BCL2: variants seen among roughly 807,000 people sequenced by gnomAD.
The protein encoded by BCL2 is apoptosis regulator Bcl-2.
BCL2 carries 1 observed loss-of-function variant against 14.2 expected under a neutral mutation model. The ratio of observed to expected loss-of-function variants is 0.07; its 90% CI spans 0.02 to 0.33. The LOEUF is 0.33. BCL2 is among the 10% of genes least tolerant of loss of function. The pLI, the probability that BCL2 is intolerant of heterozygous loss-of-function variation, is 0.99. For missense variants in BCL2, 247 were observed against 305.9 expected (o/e 0.81, Z 1.44); for synonymous variants, 151 against 137.2 (o/e 1.10, Z -0.70).
At chr18:63,228,963 G>A (rs923352015) in intron 2 of BCL2, among the ~76,000 whole-genome samples, 1 of 152,204 alleles carries the variant, frequency 6.6e-6, no homozygotes, top group African/African-American at 2.4e-5. Flanking sequence ...GCCCGCCTCT[G>A]CCTCCCAAAG....
chr18:63,219,423 C>T (rs1048923868), intron 2 of BCL2, among the ~76,000 whole-genome samples: 3 of 150,732 alleles, frequency 2.0e-5, no homozygotes, highest in Admixed American at 1.3e-4. Context: ...TCTTTGCATT[C>T]CAACACCATG....
At chr18:63,311,316 T>C (rs1324952489) in intron 2 of BCL2, among the ~76,000 whole-genome samples, 1 of 152,088 alleles carries the variant, frequency 6.6e-6, no homozygotes, top group Non-Finnish European at 1.5e-5. Context: ...CTGGAAAAAG[T>C]CAAGAAGAGA....
At chr18:63,251,600 C>G (rs1300953511) in intron 2 of BCL2, among the ~76,000 whole-genome samples, 4 of 150,180 alleles carry the variant, frequency 2.7e-5, no homozygotes, top group African/African-American at 7.3e-5. Context: ...AGCCGAGATC[C>G]CGCCACTGCA....
At chr18:63,151,407 G>A (rs1481238017) in intron 2 of BCL2, 4 of 150,832 alleles carry the variant, frequency 2.7e-5, no homozygotes, top group Non-Finnish European at 5.9e-5. Flanking sequence ...ATACAAGCAA[G>A]AATGTCCTGG....
chr18:63,172,212 G>T (rs1453909737), intron 2 of BCL2, among the ~76,000 whole-genome samples: 1 of 152,182 alleles, frequency 6.6e-6, no homozygotes, highest in Non-Finnish European at 1.5e-5. Flanking sequence ...AATTTCTAAA[G>T]ATGGACAGAG....
chr18:63,289,248 T>C (rs1912567445), intron 2 of BCL2, among the ~76,000 whole-genome samples: 1 of 151,878 alleles, frequency 6.6e-6, no homozygotes, highest in African/African-American at 2.4e-5. Context: ...TCAAAGAGCA[T>C]GTGACAAGGC....
chr18:63,170,265 G>A (rs763922484), intron 2 of BCL2, among the ~76,000 whole-genome samples: 22 of 152,024 alleles, frequency 1.4e-4, no homozygotes, highest in Non-Finnish European at 2.9e-4. Flanking sequence ...TCATACTAAT[G>A]AATGAATAAC....
At chr18:63,240,174 A>G (rs1481639683) in intron 2 of BCL2, among the ~76,000 whole-genome samples, 1 of 152,158 alleles carries the variant, frequency 6.6e-6, no homozygotes, top group African/African-American at 2.4e-5. Flanking sequence ...TTCTTGGTAG[A>G]GACGGGGTCT....
At chr18:63,150,544 C>T (rs1327378120) in intron 2 of BCL2, among the ~76,000 whole-genome samples, 1 of 152,182 alleles carries the variant, frequency 6.6e-6, no homozygotes, top group African/African-American at 2.4e-5. Flanking sequence ...ATTTTCTTGG[C>T]TCCCTCCAGT....
At chr18:63,137,578 A>T (rs1447493805) in intron 2 of BCL2, among the ~76,000 whole-genome samples, 3 of 152,148 alleles carry the variant, frequency 2.0e-5, no homozygotes, top group Non-Finnish European at 4.4e-5. Flanking sequence ...TTTCAGCAGC[A>T]GCCTCTAGTG....
At chr18:63,187,988 T>C (rs759999445) in intron 2 of BCL2, among the ~76,000 whole-genome samples, 16 of 152,300 alleles carry the variant, frequency 1.1e-4, no homozygotes, top group Middle Eastern at 6.8e-3. Flanking sequence ...GGGCTGGCGT[T>C]CAGACCATGG....
chr18:63,313,937 AG>A (rs1913414160), intron 2 of BCL2: 1 of 152,242 alleles, frequency 6.6e-6, no homozygotes. Flanking sequence ...CATTCTTATT[AG>A]AAAGTACAGC....
At chr18:63,209,884 G>T (rs886412941) in intron 2 of BCL2, among the ~76,000 whole-genome samples, 4 of 152,142 alleles carry the variant, frequency 2.6e-5, no homozygotes, top group African/African-American at 9.7e-5. Flanking sequence ...GATCAAGAGG[G>T]TCTAGTGTTT....
intron 2 of BCL2, among the ~76,000 whole-genome samples, chr18:63,291,814 C>A (rs150849439): frequency 6.6e-6 from 1 of 150,982 alleles, no homozygotes. Flanking sequence ...GATAATCTTA[C>A]TGAAACAGGA....
intron 2 of BCL2, among the ~76,000 whole-genome samples, chr18:63,223,495 C>G (rs768157808): frequency 1.5e-4 from 23 of 152,140 alleles, no homozygotes; most frequent in Non-Finnish European, 2.8e-4. Flanking sequence ...TGCTAGGCAG[C>G]AGCCTTTATC....
At chr18:63,227,175 A>G (rs2144170689) in intron 2 of BCL2, among the ~76,000 whole-genome samples, 1 of 152,358 alleles carries the variant, frequency 6.6e-6, no homozygotes, top group East Asian at 1.9e-4. Flanking sequence ...ATATACTCAA[A>G]TGCTGAGGGA....
intron 2 of BCL2, among the ~76,000 whole-genome samples, chr18:63,225,283 GGA>G (rs1157793845): frequency 3.3e-5 from 5 of 152,052 alleles, no homozygotes; most frequent in Admixed American, 2.0e-4. Context: ...AACTACACTG[GGA>G]GAAAGAGGGG....
rs376082112 is a variant in BCL2 at position 63,124,138 on chromosome 18, CA to C, written c.*4486del. The C allele has an allele frequency of 3.6e-5, 8 of 222,196 alleles. No homozygotes were observed. Among genetic ancestry groups the C allele is most frequent in the African/African-American group, 1.8e-4 (8 of 44,808 alleles). The allele number at this position is 222,196 out of a possible 1,614,324, so 13.8% of individuals were successfully genotyped here. A position where few individuals can be genotyped will look rare whatever the true frequency, so the allele number is the denominator to read the frequency against. ...ATGATTGTCCAAGGTCATGGTTGTC[CA>C]AAGACATGGAACAGAATGATTCACT... On this transcript the variant is annotated 3_prime_UTR_variant, in exon 3 of 3. Transcript: ENST00000333681.
At chr18:63,186,961 T>C (rs1365048100) in intron 2 of BCL2, among the ~76,000 whole-genome samples, 1 of 152,230 alleles carries the variant, frequency 6.6e-6, no homozygotes, top group African/African-American at 2.4e-5. Context: ...CATTCTGTTT[T>C]CTTTTGTCTT....
Sources: allele counts gnomAD v4.1 joint callset (sites outside exome capture counted in the v4.1 genomes callset), GRCh38; gene constraint gnomAD v4.1.1; transcripts MANE v1.5; gene names NCBI Gene and HGNC (gene_info 2026-07-23, HGNC 2026-07-21).